Variants in PARD3B observed in about 807,000 individuals in gnomAD.
PARD3B encodes par-3 family cell polarity regulator beta.
In PARD3B, 103 loss-of-function variants were observed where a neutral mutation model predicts 130.2. The observed-to-expected ratio is 0.79, with a 90% confidence interval of 0.67 to 0.93. PARD3B has a LOEUF of 0.93. Among genes scored for constraint, PARD3B ranks in the 40% least tolerant of loss-of-function variants. The probability of loss-of-function intolerance (pLI) is 0.00; values close to 1 mark genes in which losing one functional copy is unlikely to be tolerated. For synonymous variants in PARD3B, 583 were observed against 553.2 expected (o/e 1.05, Z -0.76); for missense variants, 1,609 against 1,499.2 (o/e 1.07, Z -1.21).
rs951439525 is a variant in PARD3B, at chr2:205,292,051, A to C, written c.2186-8479A>C. Among the ~76,000 whole-genome samples the C allele has an allele frequency of 6.6e-6, 1 of 152,172 alleles. No homozygotes were observed. The highest frequency in any genetic ancestry group is 2.4e-5 in the African/African-American group (1 of 41,456). On this transcript the variant is annotated intron_variant, in intron 16 of 22. Coordinates refer to ENST00000406610, the MANE Select transcript of PARD3B (RefSeq NM_001302769.2). This position sits in a 1 kb window ranked among gnomAD's most constrained non-coding sequence, Gnocchi z 5.3. ...AGTGCATGCTGCATAGGGCAGCCAA[A>C]CACCACTGGGTTCTATTCCTTGTGC...
chr2:205,349,821 AAAAAAAGAGGAAGC>A (rs2043931180), intron 18 of PARD3B, among the ~76,000 whole-genome samples: 1 of 103,400 alleles, frequency 9.7e-6, no homozygotes, highest in Non-Finnish European at 1.9e-5. Context: ...TTTTTTTTTT[AAAAAAAGAGGAAGC>A]AAAAGGAGGA....
intron 3 of PARD3B, among the ~76,000 whole-genome samples, chr2:204,985,043 C>T (rs539475776): frequency 2.6e-5 from 4 of 152,162 alleles, no homozygotes; most frequent in Non-Finnish European, 4.4e-5. Flanking sequence ...TGATTATAGG[C>T]ATTGCTACAA....
At chr2:205,506,300 T>C (rs1471774538) in intron 21 of PARD3B, among the ~76,000 whole-genome samples, 1 of 151,952 alleles carries the variant, frequency 6.6e-6, no homozygotes, top group African/African-American at 2.4e-5. Context: ...ACCACTGCCC[T>C]CTAGCCTGGT....
At chr2:205,607,831 T>TACACCCACACACACACACACACACAC (rs1553560828) in intron 22 of PARD3B, among the ~76,000 whole-genome samples, 1 of 116,190 alleles carries the variant, frequency 8.6e-6, no homozygotes, top group African/African-American at 4.1e-5. Context: ...CCAACACCCA[T>TACACCCACACACACACACACACACAC]ACACACACAC....
chr2:205,146,438 A>G lies in PARD3B; in HGVS notation c.1435-12284A>G, dbSNP rs1319435291. 6.6e-6 allele frequency among the ~76,000 whole-genome samples: 1 copy of G among 151,982 alleles called. No homozygotes were observed. Among genetic ancestry groups the G allele is most frequent in the African/African-American group, 2.4e-5 (1 of 41,406 alleles). On this transcript the variant is annotated intron_variant, in intron 10 of 22. Transcript: ENST00000406610. The surrounding 1 kb of genome is among the most constrained non-coding windows in gnomAD (Gnocchi z 4.3). ...GCCGAGGTGGGCGGATCATGAGGTC[A>G]GGAGATCGAGACCATCCTGGCTAAC...
At chr2:205,041,266 G>A (rs757336184) in intron 3 of PARD3B, among the ~76,000 whole-genome samples, 1 of 151,972 alleles carries the variant, frequency 6.6e-6, no homozygotes, top group Non-Finnish European at 1.5e-5. Context: ...GGTTTCTCAC[G>A]CATATCAAGA....
intron 15 of PARD3B, among the ~76,000 whole-genome samples, chr2:205,232,122 T>C (rs780307569): frequency 1.3e-5 from 2 of 152,210 alleles, no homozygotes; most frequent in African/African-American, 2.4e-5. Context: ...GGATCACTCT[T>C]TCCAAGTAAC....
At position 205,042,877 on chromosome 2, in the gene PARD3B, GAA is replaced by G. The variant is rs76777414; in HGVS notation, c.395-4692_395-4691del. ...GGCAACCTCAAATATTTAACTGTGT[GAA>G]AAAAAAAAAAACCCAGCAAGCAGTT... On this transcript the variant is annotated intron_variant, in intron 3 of 22. Transcript: ENST00000406610. Among the ~76,000 whole-genome samples, 336 of 137,922 alleles carry G rather than the reference GAA, an allele frequency of 2.4e-3. 6 individuals carry two copies. Among genetic ancestry groups the G allele is most frequent in the Middle Eastern group, 0.011 (3 of 272 alleles). 90.5% of individuals were successfully genotyped at this position (137,922 alleles called of 152,430 possible).
intron 2 of PARD3B, among the ~76,000 whole-genome samples, chr2:204,721,664 A>G (rs2039003819): frequency 6.6e-6 from 1 of 152,140 alleles, no homozygotes; most frequent in Admixed American, 6.5e-5. Context: ...TTATATTTAA[A>G]AATATTTTTG....
intron 18 of PARD3B, among the ~76,000 whole-genome samples, chr2:205,365,711 A>T (rs2044582691): frequency 6.6e-6 from 1 of 152,134 alleles, no homozygotes; most frequent in African/African-American, 2.4e-5. Flanking sequence ...GCTGGCATTT[A>T]TCTTTATGGA....
chr2:205,303,191 G>T (rs958604457), intron 18 of PARD3B, among the ~76,000 whole-genome samples: 6 of 152,178 alleles, frequency 3.9e-5, no homozygotes, highest in African/African-American at 1.4e-4. Flanking sequence ...GCATCCTATG[G>T]TATGGTGGGA....
intron 2 of PARD3B, among the ~76,000 whole-genome samples, chr2:204,758,299 A>G (rs1483959022): frequency 1.3e-5 from 2 of 152,144 alleles, no homozygotes; most frequent in Admixed American, 1.3e-4. Context: ...CAGAGTCAGT[A>G]TGAGAAGCAC....
At position 204,674,565 on chromosome 2, in the gene PARD3B, G is replaced by A. The variant is rs189651296; in HGVS notation, c.121-11616G>A. 4.9e-4 allele frequency among the ~76,000 whole-genome samples: 74 copies of A among 152,264 alleles called. 1 individual carries two copies. The highest frequency in any genetic ancestry group is 8.1e-4 in the Non-Finnish European group (55 of 68,004). ...GCGGGAGGTAGGTGGTTGCAGTAAA[G>A]TGGATGAGGTCTTTATGTTTGTCTT... On this transcript the variant is annotated intron_variant, in intron 1 of 22. Transcript: ENST00000406610.
chr2:205,398,525 A>C (rs535042200), intron 18 of PARD3B, among the ~76,000 whole-genome samples: 1 of 152,332 alleles, frequency 6.6e-6, no homozygotes, highest in Admixed American at 6.5e-5. Flanking sequence ...ACAACCAAAA[A>C]ACTACAGTAG....
intron 21 of PARD3B, among the ~76,000 whole-genome samples, chr2:205,512,322 T>A (rs2050618187): frequency 6.6e-6 from 1 of 152,168 alleles, no homozygotes; most frequent in Non-Finnish European, 1.5e-5. Flanking sequence ...AACTTCCCAT[T>A]TACTTTAGTA....
chr2:205,593,048 C>T (rs2054444358), intron 22 of PARD3B, among the ~76,000 whole-genome samples: 1 of 152,208 alleles, frequency 6.6e-6, no homozygotes. Context: ...CATCACCAAC[C>T]AAGGAGTAAG....
intron 2 of PARD3B, among the ~76,000 whole-genome samples, chr2:204,747,361 A>C (rs1418272934): frequency 6.6e-6 from 1 of 152,150 alleles, no homozygotes; most frequent in Admixed American, 6.5e-5. Flanking sequence ...ATACCTAGGA[A>C]TCCAACTTAC....
At chr2:205,223,542 G>C (rs2038357818) in intron 15 of PARD3B, among the ~76,000 whole-genome samples, 1 of 152,124 alleles carries the variant, frequency 6.6e-6, no homozygotes, top group East Asian at 1.9e-4. Flanking sequence ...GTCAGGACAG[G>C]AGAATAACCC....
At chr2:204,741,024 T>C (rs1359904418) in intron 2 of PARD3B, among the ~76,000 whole-genome samples, 1 of 152,178 alleles carries the variant, frequency 6.6e-6, no homozygotes, top group Admixed American at 6.5e-5. Context: ...ATATTATTCA[T>C]AGATAAGTAG....
Sources: allele counts gnomAD v4.1 joint callset (sites outside exome capture counted in the v4.1 genomes callset), GRCh38; gene constraint gnomAD v4.1.1; non-coding constraint Gnocchi (gnomAD v3.1); transcripts MANE v1.5; gene names NCBI Gene and HGNC (gene_info 2026-07-23, HGNC 2026-07-21).